The following NAV2 variants were observed in gnomAD, a reference collection of about 807,000 sequenced individuals.
NAV2 encodes the protein helicase, APC down-regulated 1.
In NAV2, 54 loss-of-function variants were observed where a neutral mutation model predicts 223.2. The observed-to-expected ratio is 0.24, with a 90% CI of 0.19 to 0.30. The LOEUF (loss-of-function observed/expected upper bound fraction) is 0.30, where lower values mean the gene tolerates loss of function less well. NAV2 is among the 10% of genes least tolerant of loss of function. The pLI, the probability that NAV2 is intolerant of heterozygous loss-of-function variation, is 1.00. For missense variants in NAV2, 2,806 were observed against 3,147.5 expected (o/e 0.89, Z 2.60); for synonymous variants, 1,279 against 1,239.3 (o/e 1.03, Z -0.67).
At chr11:20,114,011 A>G (rs1592224449) in intron 36 of NAV2, among the ~76,000 whole-genome samples, 1 of 152,170 alleles carries the variant, frequency 6.6e-6, no homozygotes, top group Admixed American at 6.5e-5. Context: ...ACCTTGTCTC[A>G]ATACAAAATC....
chr11:20,118,315 C>T lies in NAV2; in HGVS notation c.*57C>T, dbSNP rs1266403501. 2.5e-6 allele frequency: 4 copies of T among 1,589,774 alleles called. No homozygotes were observed. The East Asian group carries it at 6.7e-5, about 27-fold the overall frequency. On this transcript the variant is annotated 3_prime_UTR_variant, in exon 38 of 38. Coordinates refer to ENST00000349880, the MANE Select transcript of NAV2 (RefSeq NM_145117.5). Reference sequence around the variant, plus strand: ...TCCTCACCGCATTCCACCTGCATCCCCCACATCACCCTGAAGATGACTTCC... The same window carrying T: ...TCCTCACCGCATTCCACCTGCATCCTCCACATCACCCTGAAGATGACTTCC...
At chr11:20,034,190 G>A (rs1035722382) in intron 11 of NAV2, among the ~76,000 whole-genome samples, 1 of 151,870 alleles carries the variant, frequency 6.6e-6, no homozygotes, top group African/African-American at 2.4e-5. Context: ...ACCTTGTACA[G>A]GGTATCTATT....
At chr11:19,957,720 C>CA (rs1331129223) in intron 10 of NAV2, among the ~76,000 whole-genome samples, 5 of 152,180 alleles carry the variant, frequency 3.3e-5, no homozygotes, top group Non-Finnish European at 7.3e-5. Context: ...CCAGCACTCC[C>CA]ATGCGCACTC....
At chr11:19,373,932 C>T (rs1405980094) in intron 1 of NAV2, among the ~76,000 whole-genome samples, 1 of 152,092 alleles carries the variant, frequency 6.6e-6, no homozygotes, top group African/African-American at 2.4e-5. Flanking sequence ...CTTTTTTCCC[C>T]CCTCAGAAAA....
chr11:19,813,070 AT>A (rs1177190115), intron 1 of NAV2, among the ~76,000 whole-genome samples: 2 of 151,884 alleles, frequency 1.3e-5, no homozygotes, highest in Admixed American at 1.3e-4. Context: ...ACAAAGTTGA[AT>A]GAAGGCTCAA....
chr11:19,690,255 C>T (rs1452488306), intron 1 of NAV2, among the ~76,000 whole-genome samples: 1 of 152,224 alleles, frequency 6.6e-6, no homozygotes, highest in Admixed American at 6.5e-5. Flanking sequence ...AGTCACTGCG[C>T]CCAGCCCATT....
At chr11:19,907,812 T>C (rs1465413741) in intron 6 of NAV2, among the ~76,000 whole-genome samples, 1 of 152,224 alleles carries the variant, frequency 6.6e-6, no homozygotes, top group South Asian at 2.1e-4. Context: ...TTTCCTTTTG[T>C]TTTTTATCAT....
intron 10 of NAV2, among the ~76,000 whole-genome samples, chr11:19,981,665 T>G (rs1428334724): frequency 6.6e-6 from 1 of 152,204 alleles, no homozygotes; most frequent in Non-Finnish European, 1.5e-5. Flanking sequence ...TTCCACTGAG[T>G]TCTCCTTGAA....
chr11:19,925,040 G>A (rs897369235), intron 6 of NAV2, among the ~76,000 whole-genome samples: 2 of 152,184 alleles, frequency 1.3e-5, no homozygotes, highest in Admixed American at 1.3e-4. Flanking sequence ...CTAATGATTA[G>A]TGATGTTTAA....
chr11:19,833,427 C>G (rs555004767), intron 2 of NAV2, among the ~76,000 whole-genome samples: 9 of 152,158 alleles, frequency 5.9e-5, no homozygotes, highest in Non-Finnish European at 1.3e-4. Flanking sequence ...CCGTGGAGTA[C>G]GTACCTGAAA....
intron 29 of NAV2, among the ~76,000 whole-genome samples, chr11:20,094,223 C>CTTTTTTTTTTTTTTTTT (rs61099684): frequency 2.3e-5 from 2 of 88,520 alleles, no homozygotes; most frequent in African/African-American, 9.5e-5. Flanking sequence ...TTTTCTTTAT[C>CTTTTTTTTTTTTTTTTT]TTTTTTTTTT....
At chr11:19,395,334 C>T (rs1849406643) in intron 1 of NAV2, among the ~76,000 whole-genome samples, 1 of 152,246 alleles carries the variant, frequency 6.6e-6, no homozygotes, top group African/African-American at 2.4e-5. Flanking sequence ...TTTGCCCCTA[C>T]ATTTGTTCAG....
chr11:19,892,800 A>C (rs909077322), intron 6 of NAV2, among the ~76,000 whole-genome samples: 4 of 152,224 alleles, frequency 2.6e-5, no homozygotes, highest in African/African-American at 9.6e-5. Context: ...ACTAGCAAAA[A>C]TAATTTGCTA....
In NAV2 at chr11:19,842,929, T is replaced by G; in HGVS notation, c.438+6T>G. 1 of 1,613,274 alleles carries G rather than the reference T, an allele frequency of 6.2e-7. No individual in the cohort carries two copies. Among genetic ancestry groups the G allele is most frequent in the African/African-American group, 1.3e-5 (1 of 75,002 alleles). On this transcript the variant is annotated splice_donor_region_variant and intron_variant, in intron 3 of 37. Transcript: ENST00000349880. ...CGAAGAACAGATCCCAAATGGTAAG[T>G]GGTGCATAGGTAGTAAATGTTTGAG...
intron 1 of NAV2, among the ~76,000 whole-genome samples, chr11:19,489,266 A>G (rs539720499): frequency 6.6e-6 from 1 of 152,354 alleles, no homozygotes; most frequent in South Asian, 2.1e-4. Flanking sequence ...TCAAACCCTG[A>G]GACCCAACAT....
At chr11:19,764,399 C>A (rs1266461996) in intron 1 of NAV2, among the ~76,000 whole-genome samples, 1 of 152,192 alleles carries the variant, frequency 6.6e-6, no homozygotes, top group Non-Finnish European at 1.5e-5. Context: ...TGGGAGAACT[C>A]AATTTGTCCA....
intron 5 of NAV2, among the ~76,000 whole-genome samples, chr11:19,880,639 A>G (rs1393425074): frequency 1.3e-5 from 2 of 152,202 alleles, no homozygotes; most frequent in Non-Finnish European, 2.9e-5. Context: ...AGCAGTTACC[A>G]TTAAATGTGA....
intron 36 of NAV2, among the ~76,000 whole-genome samples, chr11:20,110,996 G>T (rs1224671270): frequency 6.6e-6 from 1 of 152,146 alleles, no homozygotes; most frequent in Non-Finnish European, 1.5e-5. Context: ...GTCATCAGGG[G>T]ATGAGGATGG....
chr11:19,762,388 A>G (rs761346494), intron 1 of NAV2, among the ~76,000 whole-genome samples: 3 of 152,190 alleles, frequency 2.0e-5, no homozygotes, highest in African/African-American at 7.2e-5. Context: ...ACTCTGTGCA[A>G]ATCCCCAAGT....
Sources: allele counts gnomAD v4.1 joint callset (sites outside exome capture counted in the v4.1 genomes callset), GRCh38; gene constraint gnomAD v4.1.1; transcripts MANE v1.5; gene names NCBI Gene and HGNC (gene_info 2026-07-23, HGNC 2026-07-21).